NTNG2: variants seen among roughly 807,000 people sequenced by gnomAD.
The protein encoded by NTNG2 is netrin-G2.
A neutral mutation model predicts 47.6 loss-of-function variants in NTNG2; 15 were observed. The ratio of observed to expected loss-of-function variants is 0.32; its 90% CI spans 0.21 to 0.49. The LOEUF is 0.49. Ranked by LOEUF, NTNG2 falls within the 20% of genes least tolerant of loss-of-function variation. The pLI, the probability that NTNG2 is intolerant of heterozygous loss-of-function variation, is 0.99. For synonymous variants in NTNG2, 307 were observed against 324.6 expected (o/e 0.95, Z 0.58); for missense variants, 578 against 764.6 (o/e 0.76, Z 2.88).
intron 2 of NTNG2, among the ~76,000 whole-genome samples, chr9:132,184,349 A>T (rs1471688099): frequency 6.6e-6 from 1 of 151,966 alleles, no homozygotes; most frequent in East Asian, 1.9e-4. Flanking sequence ...GAGGAGGGGG[A>T]GTCACTCGGC....
chr9:132,221,378 G>A lies in NTNG2; in HGVS notation c.858-5471G>A, dbSNP rs911352316. Among the ~76,000 whole-genome samples, 10 of 152,202 alleles carry A rather than the reference G, an allele frequency of 6.6e-5. No homozygotes were observed. Among genetic ancestry groups the A allele is most frequent in the Non-Finnish European group, 1.2e-4 (8 of 68,044 alleles). Reference sequence around the variant, plus strand: ...AGAGAGGGGCACTGAGAGAGCCAGAGAGGCCAAGAGGTCATACACAAACAC... The same window carrying A: ...AGAGAGGGGCACTGAGAGAGCCAGAAAGGCCAAGAGGTCATACACAAACAC... On this transcript the variant is annotated intron_variant, in intron 3 of 7. Coordinates refer to ENST00000393229, the MANE Select transcript of NTNG2 (RefSeq NM_032536.4). The surrounding 1 kb of genome is among the most constrained non-coding windows in gnomAD (Gnocchi z 4.2).
chr9:132,235,239 G>A (rs17385973), intron 5 of NTNG2, among the ~76,000 whole-genome samples: 1 of 152,208 alleles, frequency 6.6e-6, no homozygotes, highest in East Asian at 1.9e-4. Flanking sequence ...TAAGATCTTG[G>A]CCGGAACACA....
chr9:132,177,207 G>A (rs945172732), intron 2 of NTNG2, among the ~76,000 whole-genome samples: 2 of 152,162 alleles, frequency 1.3e-5, no homozygotes, highest in South Asian at 2.1e-4. Context: ...GGCTGGTCTC[G>A]AACTCCTGGC....
At chr9:132,206,856 G>A (rs569702620) in intron 3 of NTNG2, among the ~76,000 whole-genome samples, 4 of 152,368 alleles carry the variant, frequency 2.6e-5, no homozygotes, top group African/African-American at 7.2e-5. Context: ...GAGAAGTGCC[G>A]GTGTTGGGAA....
Position 132,197,167 on chromosome 9 carries a change from A to G in NTNG2, c.214-799A>G, listed in dbSNP as rs1344775651. Reference sequence around the variant, plus strand: ...CACTTTGGGAGGGCAAGCCAGGTGGATCAACGGAGGTCAGAGTTCGAGACC... The same window carrying G: ...CACTTTGGGAGGGCAAGCCAGGTGGGTCAACGGAGGTCAGAGTTCGAGACC... On this transcript the variant is annotated intron_variant, in intron 2 of 7. Transcript: ENST00000393229. The surrounding 1 kb of genome is among the most constrained non-coding windows in gnomAD (Gnocchi z 4.3). Among the ~76,000 whole-genome samples, 1 of 152,174 alleles carries G rather than the reference A, an allele frequency of 6.6e-6. No homozygotes were observed. Among genetic ancestry groups the G allele is most frequent in the East Asian group, 1.9e-4 (1 of 5,184 alleles).
intron 2 of NTNG2, among the ~76,000 whole-genome samples, chr9:132,172,839 C>G (rs1316272743): frequency 3.3e-5 from 5 of 150,320 alleles, no homozygotes; most frequent in African/African-American, 1.2e-4. Context: ...ACGCCATTCT[C>G]CTGCCTCAGC....
intron 2 of NTNG2, among the ~76,000 whole-genome samples, chr9:132,190,259 A>G (rs1022943439): frequency 2.9e-5 from 4 of 136,130 alleles, no homozygotes; most frequent in African/African-American, 5.5e-5. Context: ...AAAAAAAAAA[A>G]AAGAAGGTTT....
At chr9:132,165,213 C>T (rs190581541) in intron 1 of NTNG2, among the ~76,000 whole-genome samples, 147 of 152,244 alleles carry the variant, frequency 9.7e-4, no homozygotes, top group Middle Eastern at 6.8e-3. Context: ...CTCCGGGTGA[C>T]GTATCCAGTG....
Position 132,226,837 on chromosome 9 carries a change from G to T in NTNG2, c.858-12G>T, listed in dbSNP as rs575343610. The stretch of plus-strand genomic sequence containing the variant: ...GCTCTCTGACATCTCTGCCCTCTCG[G>T]TGTCTCCCCAGGTGCAAGTGCAACC... On this transcript the variant is annotated splice_polypyrimidine_tract_variant and intron_variant, in intron 3 of 7. Transcript: ENST00000393229. The surrounding 1 kb of genome is among the most constrained non-coding windows in gnomAD (Gnocchi z 4.8). 6.3e-6 allele frequency: 10 copies of T among 1,584,418 alleles called. No homozygotes were observed. In the African/African-American group the frequency reaches 1.4e-4, roughly 21 times the overall value.
chr9:132,208,373 G>C lies in NTNG2; in HGVS notation c.857+9764G>C, dbSNP rs1839330856. Among the ~76,000 whole-genome samples the C allele has an allele frequency of 6.6e-6, 1 of 152,168 alleles. No individual in the cohort carries two copies. Among genetic ancestry groups the C allele is most frequent in the South Asian group, 2.1e-4 (1 of 4,830 alleles). On this transcript the variant is annotated intron_variant, in intron 3 of 7. Transcript: ENST00000393229. This position sits in a 1 kb window ranked among gnomAD's most constrained non-coding sequence, Gnocchi z 4.0. The stretch of plus-strand genomic sequence containing the variant: ...GCCCTGCAGCCCCGGGAGGAAGTTG[G>C]TTTTGGTTGAAGTTTGGTAGGAGGG...
At chr9:132,230,764 T>A (rs997239633) in intron 5 of NTNG2, among the ~76,000 whole-genome samples, 169 bp downstream of exon 5, 1 of 64,800 alleles carries the variant, frequency 1.5e-5, no homozygotes. Context: ...CTCTCCCCCC[T>A]CCACCTCCCC....
intron 2 of NTNG2, among the ~76,000 whole-genome samples, chr9:132,194,504 A>AC (rs1190494597): frequency 4.0e-5 from 6 of 151,552 alleles, no homozygotes; most frequent in African/African-American, 9.7e-5. Context: ...GAAGCTGGGA[A>AC]CCCCCCCGCC....
At chr9:132,233,742 A>G (rs1260251803) in intron 5 of NTNG2, 4 of 152,198 alleles carry the variant, frequency 2.6e-5, no homozygotes, top group African/African-American at 7.2e-5. Flanking sequence ...TGCTCGTATC[A>G]TTGTATCATC....
chr9:132,206,816 G>A (rs1308280410), intron 3 of NTNG2, among the ~76,000 whole-genome samples: 1 of 152,280 alleles, frequency 6.6e-6, no homozygotes, highest in Non-Finnish European at 1.5e-5. Flanking sequence ...AAGCGGGCAT[G>A]CACGATTCCA....
At position 132,163,395 on chromosome 9, in the gene NTNG2, G is replaced by C. The variant is rs1291876426; in HGVS notation, c.-484+1156G>C. Among the ~76,000 whole-genome samples the C allele has an allele frequency of 2.0e-5, 3 of 151,234 alleles. No homozygotes were observed. Among genetic ancestry groups the C allele is most frequent in the Non-Finnish European group, 4.4e-5 (3 of 67,652 alleles). ...GCGGGGACCCAGGGGCCGGATAAAG[G>C]GCCCGCTCCGGAGCGGGGGGACACC... On this transcript the variant is annotated intron_variant, in intron 1 of 7. Transcript: ENST00000393229. This position sits in a 1 kb window ranked among gnomAD's most constrained non-coding sequence, Gnocchi z 7.2.
At chr9:132,213,331 CAAAAAAAAAAAAAA>C (rs61393543) in intron 3 of NTNG2, among the ~76,000 whole-genome samples, 64,053 of 104,100 alleles carry the variant, frequency 0.62, 16,269 homozygotes, top group Middle Eastern at 0.73. Flanking sequence ...GACTCCATCT[CAAAAAAAAAAAAAA>C]AAAAAAAAAA....
Position 132,182,670 on chromosome 9 carries a change from G to A in NTNG2, c.214-15296G>A, listed in dbSNP as rs976716238. Among the ~76,000 whole-genome samples the A allele has an allele frequency of 1.8e-4, 27 of 152,194 alleles. No homozygotes were observed. The highest frequency in any genetic ancestry group is 8.5e-4 in the Admixed American group (13 of 15,288). ...AACTGCAGCCTTGGGTACAGAGTACGGGTTGTCTCCCAGCAGGAAAGGGAG... is the reference window on the plus strand; with the variant it reads ...AACTGCAGCCTTGGGTACAGAGTACAGGTTGTCTCCCAGCAGGAAAGGGAG... On this transcript the variant is annotated intron_variant, in intron 2 of 7. Coordinates refer to ENST00000393229, the MANE Select transcript of NTNG2 (RefSeq NM_032536.4). This position sits in a 1 kb window ranked among gnomAD's most constrained non-coding sequence, Gnocchi z 4.2.
intron 4 of NTNG2, 71 bp downstream of exon 4, chr9:132,227,092 G>A (rs1457506854): frequency 2.7e-6 from 4 of 1,476,570 alleles, no homozygotes; most frequent in Middle Eastern, 1.8e-4. Context: ...CCCAGGAGCT[G>A]TGGATCATAC....
intron 3 of NTNG2, among the ~76,000 whole-genome samples, chr9:132,201,538 G>A (rs769099112): frequency 6.6e-5 from 10 of 152,298 alleles, no homozygotes; most frequent in East Asian, 1.9e-4. Context: ...GGCAAAGGGG[G>A]ATGTGGGACC....
Sources: gnomAD v4.1 joint callset for allele counts (sites outside exome capture counted in the v4.1 genomes callset) on GRCh38, gnomAD v4.1.1 for gene constraint, Gnocchi (gnomAD v3.1) non-coding constraint, MANE v1.5 for transcripts, NCBI Gene and HGNC (gene_info 2026-07-23, HGNC 2026-07-21) for gene names.